Variants in CAPZA1 observed in about 807,000 individuals in gnomAD.
CAPZA1 encodes the protein F-actin-capping protein subunit alpha-1.
CAPZA1 carries 10 observed loss-of-function variants against 40.8 expected under a neutral mutation model. That is an observed-to-expected ratio of 0.25 (90% CI 0.15 to 0.42). The LOEUF (loss-of-function observed/expected upper bound fraction) is 0.42. Ranked by LOEUF, CAPZA1 falls within the 10% of genes least tolerant of loss-of-function variation. The pLI is 1.00. For synonymous variants in CAPZA1, 98 were observed against 115.0 expected, an observed-to-expected ratio of 0.85 and a Z score of 0.95; for missense variants, 277 against 353.8, an observed-to-expected ratio of 0.78 and a Z score of 1.74.
chr1:112,631,624 C>T (rs1483166149), intron 1 of CAPZA1, among the ~76,000 whole-genome samples: 1 of 152,176 alleles, frequency 6.6e-6, no homozygotes, highest in Non-Finnish European at 1.5e-5. Context: ...CTTTTTCCAT[C>T]TAGCCTGGGT....
At chr1:112,662,894 A>G (rs190687430) in intron 7 of CAPZA1, among the ~76,000 whole-genome samples, 81 of 118,076 alleles carry the variant, frequency 6.9e-4, no homozygotes, top group Non-Finnish European at 1.1e-3. Context: ...TGTTTCTTCT[A>G]TGGCCAGATC....
chr1:112,657,870 G>A (rs912752751), intron 5 of CAPZA1, among the ~76,000 whole-genome samples: 1 of 152,178 alleles, frequency 6.6e-6, no homozygotes, highest in East Asian at 1.9e-4. Flanking sequence ...GGGGTTACAG[G>A]CTTGAGCCAT....
intron 1 of CAPZA1, among the ~76,000 whole-genome samples, chr1:112,628,302 C>A (rs1670854945): frequency 2.6e-5 from 4 of 152,136 alleles, no homozygotes. Context: ...AGTGAACTTG[C>A]TGTGGTTCAA....
At chr1:112,646,380 G>A (rs1429790339) in intron 1 of CAPZA1, among the ~76,000 whole-genome samples, 1 of 152,126 alleles carries the variant, frequency 6.6e-6, no homozygotes, top group East Asian at 1.9e-4. Flanking sequence ...AGGAGTTTGA[G>A]ACCAGCCTGG....
Position 112,670,640 on chromosome 1 carries a change from A to G in CAPZA1, c.*508A>G, listed in dbSNP as rs1671812132. On this transcript the variant is annotated 3_prime_UTR_variant, in exon 10 of 10. Transcript: ENST00000263168. ...CATCCTTCTCCCTCTGACTGCTTTG[A>G]TCATCATTTATTGCATCTCATAACT... is the stretch of plus-strand genomic sequence containing the variant. 1 of 152,612 alleles carries G rather than the reference A, an allele frequency of 6.6e-6. No individual in the cohort carries two copies. Among genetic ancestry groups the G allele is most frequent in the Non-Finnish European group, 1.5e-5 (1 of 68,088 alleles). 9.5% of individuals were successfully genotyped at this position (152,612 alleles called of 1,614,324 possible).
intron 1 of CAPZA1, among the ~76,000 whole-genome samples, chr1:112,625,055 A>G (rs1670779193): frequency 6.6e-6 from 1 of 152,112 alleles, no homozygotes; most frequent in South Asian, 2.1e-4. Flanking sequence ...ATATCTCTCC[A>G]GTTCACACCC....
intron 1 of CAPZA1, among the ~76,000 whole-genome samples, chr1:112,625,693 C>A (rs1170649262): frequency 6.6e-6 from 1 of 152,184 alleles, no homozygotes; most frequent in Admixed American, 6.5e-5. Flanking sequence ...ACATTGTGTT[C>A]ACAGGACTTT....
intron 1 of CAPZA1, among the ~76,000 whole-genome samples, chr1:112,630,019 G>C (rs534389473): frequency 6.6e-6 from 1 of 152,176 alleles, no homozygotes; most frequent in East Asian, 1.9e-4. Context: ...CAGTTTTGCT[G>C]CTTAGAATTA....
intron 1 of CAPZA1, among the ~76,000 whole-genome samples, chr1:112,640,071 C>T (rs1570708983): frequency 7.7e-6 from 1 of 129,726 alleles, no homozygotes; most frequent in Non-Finnish European, 1.7e-5. Context: ...GTCGCCTCTG[C>T]CCGGCCGCCC....
At chr1:112,660,838 C>CTTTTTTT (rs67876993) in intron 7 of CAPZA1, among the ~76,000 whole-genome samples, 2 of 66,000 alleles carry the variant, frequency 3.0e-5, no homozygotes, top group African/African-American at 6.8e-5. Flanking sequence ...CAAGAGTTGT[C>CTTTTTTT]TTTTTTTTTT....
chr1:112,647,241 C>A lies in CAPZA1; in HGVS notation c.71C>A (p.Ala24Glu). 1 of 1,528,524 alleles carries A rather than the reference C, an allele frequency of 6.5e-7. No individual in the cohort carries two copies. Among genetic ancestry groups the A allele is most frequent in the Non-Finnish European group, 8.8e-7 (1 of 1,129,992 alleles). The allele number at this position is 1,528,524 out of a possible 1,614,324, so 94.7% of individuals were successfully genotyped here. ...VRIAAKFITHAPPGEFNEVFN... is the reference protein window; with the variant it reads ...VRIAAKFITHEPPGEFNEVFN... ...ATAGCTGCTAAATTCATCACTCATG[C>A]ACCCCCAGGGGAATTTAATGAAGTA... is the stretch of plus-strand genomic sequence containing the variant. Residue 24 changes from alanine (A) to glutamate (E), a missense_variant, in exon 2 of 10, where the codon GCA (alanine) becomes GAA (glutamate). Transcript: ENST00000263168.
At chr1:112,659,216 T>C (rs1041007703) in intron 6 of CAPZA1, 115 bp downstream of exon 6, 29 of 706,964 alleles carry the variant, frequency 4.1e-5, no homozygotes, top group Non-Finnish European at 6.6e-5. Flanking sequence ...CAGTTTTCCA[T>C]CTATAAATGA....
intron 1 of CAPZA1, among the ~76,000 whole-genome samples, chr1:112,633,751 T>G (rs970024155): frequency 6.6e-6 from 1 of 152,196 alleles, no homozygotes; most frequent in Non-Finnish European, 1.5e-5. Flanking sequence ...GCCCAAGACT[T>G]GTTATCATTT....
chr1:112,628,194 C>G (rs1670852705), intron 1 of CAPZA1, among the ~76,000 whole-genome samples: 1 of 152,160 alleles, frequency 6.6e-6, no homozygotes. Flanking sequence ...GAGTTCCATC[C>G]TAGGTATATT....
intron 7 of CAPZA1, 127 bp downstream of exon 7, chr1:112,659,906 T>C (rs1671570724): frequency 1.5e-6 from 1 of 679,102 alleles, no homozygotes; most frequent in African/African-American, 1.8e-5. Flanking sequence ...TGAATAGAAA[T>C]AGAAGCCTCC....
chr1:112,661,082 T>C (rs1468674968), intron 7 of CAPZA1, among the ~76,000 whole-genome samples: 1 of 152,164 alleles, frequency 6.6e-6, no homozygotes, highest in African/African-American at 2.4e-5. Context: ...GGTCTTGAAC[T>C]CCTGACCTCA....
chr1:112,627,585 TCA>T (rs1274781913), intron 1 of CAPZA1, among the ~76,000 whole-genome samples: 1 of 132,338 alleles, frequency 7.6e-6, no homozygotes, highest in Middle Eastern at 5.3e-3. Flanking sequence ...TGAGCCGAGA[TCA>T]TGCCATTGCA....
intron 7 of CAPZA1, among the ~76,000 whole-genome samples, chr1:112,660,782 C>T (rs998655568): frequency 4.7e-5 from 7 of 149,904 alleles, no homozygotes; most frequent in East Asian, 3.9e-4. Context: ...AGTACCTAAT[C>T]GTACCTGTAT....
In CAPZA1 at chr1:112,619,901, C is replaced by G; in HGVS notation, c.39+18C>G. 6.3e-7 allele frequency: 1 copy of G among 1,597,806 alleles called. No individual in the cohort carries two copies. The highest frequency in any genetic ancestry group is 1.1e-5 in the South Asian group (1 of 89,002). On this transcript the variant is annotated intron_variant, in intron 1 of 9. Coordinates refer to ENST00000263168, the MANE Select transcript of CAPZA1 (RefSeq NM_006135.3). The stretch of plus-strand genomic sequence containing the variant: ...AGGAGAAGGTAAGGGGTCCGCCTCT[C>G]TCTCTTACCTCCTCCCCCGACAGGG...
Sources: gnomAD v4.1 joint callset for allele counts (sites outside exome capture counted in the v4.1 genomes callset) on GRCh38, gnomAD v4.1.1 for gene constraint, MANE v1.5 for transcripts, NCBI Gene and HGNC (gene_info 2026-07-23, HGNC 2026-07-21) for gene names.